AR: variants seen among roughly 807,000 people sequenced by gnomAD.
The protein encoded by AR is dihydrotestosterone receptor.
Under a neutral mutation model 53.9 loss-of-function variants are expected in AR, and 8 were observed. The ratio of observed to expected loss-of-function variants is 0.15; its 90% CI spans 0.09 to 0.27. The LOEUF (loss-of-function observed/expected upper bound fraction) is 0.27. Ranked by LOEUF, AR falls within the 10% of genes least tolerant of loss-of-function variation. The pLI is 1.00. For synonymous variants in AR, 359 were observed against 316.4 expected, an observed-to-expected ratio of 1.13 and a Z score of -1.43; for missense variants, 639 against 742.5, an observed-to-expected ratio of 0.86 and a Z score of 1.62.
chrX:67,666,739 G>C (rs1337529369), intron 2 of AR, among the ~76,000 whole-genome samples: 1 of 111,463 alleles, frequency 9.0e-6, no homozygotes, highest in Non-Finnish European at 1.9e-5. Flanking sequence ...CTGTTCTTTG[G>C]ATGAAAGCCA....
At chrX:67,674,704 C>T (rs2075888908) in intron 2 of AR, among the ~76,000 whole-genome samples, 1 of 110,995 alleles carries the variant, frequency 9.0e-6, no homozygotes, top group Non-Finnish European at 1.9e-5. Flanking sequence ...GAAGTGGGCT[C>T]CTCTCTGGCC....
intron 1 of AR, among the ~76,000 whole-genome samples, chrX:67,577,004 CTTT>C (rs35442632): frequency 1.1e-5 from 1 of 90,789 alleles, no homozygotes; most frequent in African/African-American, 4.1e-5. Context: ...CTCTCTCTCT[CTTT>C]TTTTTTTTTT....
chrX:67,694,972 G>A (rs2076013272), intron 3 of AR: 2 of 960,414 alleles, frequency 2.1e-6, no homozygotes, highest in African/African-American at 2.0e-5. Flanking sequence ...ATGTAGTTGT[G>A]AGTATCATGA....
At chrX:67,571,344 G>T (rs1265437529) in intron 1 of AR, among the ~76,000 whole-genome samples, 1 of 111,317 alleles carries the variant, frequency 9.0e-6, no homozygotes, top group Non-Finnish European at 1.9e-5. Context: ...TGCCAGTTCT[G>T]CTCTCTTCCC....
In AR at chrX:67,631,459, C is replaced by T. The variant is rs184043762; in HGVS notation, c.1617-11797C>T. Among the ~76,000 whole-genome samples, 142 of 112,291 alleles carry T rather than the reference C, an allele frequency of 1.3e-3. 3 individuals are homozygous for T. In the East Asian group the frequency reaches 0.026, roughly 20 times the overall value. ...GCTCCTGAGGTTTCTGCATTCTTCA[C>T]GTAGTTCTCGAGCCTTAGTTTTCAG... is the stretch of plus-strand genomic sequence containing the variant. On this transcript the variant is annotated intron_variant, in intron 1 of 7. Coordinates refer to ENST00000374690, the MANE Select transcript of AR (RefSeq NM_000044.6).
At chrX:67,640,529 C>T (rs111384569) in intron 1 of AR, among the ~76,000 whole-genome samples, 102 of 111,274 alleles carry the variant, frequency 9.2e-4, no homozygotes, top group African/African-American at 3.0e-3. Flanking sequence ...TATTTGACTT[C>T]CTGCTTTAGG....
chrX:67,617,665 C>T (rs1275323147), intron 1 of AR, among the ~76,000 whole-genome samples: 5 of 111,551 alleles, frequency 4.5e-5, no homozygotes, highest in Non-Finnish European at 9.4e-5. Flanking sequence ...TGTGAATGTG[C>T]TTTATGTGCT....
At chrX:67,673,629 T>C (rs1250931138) in intron 2 of AR, among the ~76,000 whole-genome samples, 1 of 109,529 alleles carries the variant, frequency 9.1e-6, no homozygotes, top group African/African-American at 3.3e-5. Flanking sequence ...TGTCTGCTTA[T>C]TTTTTTTTAG....
At chrX:67,635,397 C>T (rs1391333953) in intron 1 of AR, among the ~76,000 whole-genome samples, 2 of 111,525 alleles carry the variant, frequency 1.8e-5, no homozygotes, top group Non-Finnish European at 3.8e-5. Context: ...TGTTGGGTTG[C>T]CATTCCTCTT....
At chrX:67,648,445 G>A (rs1018361195) in intron 2 of AR, among the ~76,000 whole-genome samples, 1 of 111,689 alleles carries the variant, frequency 9.0e-6, no homozygotes, top group Non-Finnish European at 1.9e-5. Context: ...TGGAAAAACT[G>A]TGTGTCTCAT....
chrX:67,683,133 A>C (rs2075945885), intron 2 of AR, among the ~76,000 whole-genome samples: 1 of 111,992 alleles, frequency 8.9e-6, no homozygotes, highest in Non-Finnish European at 1.9e-5. Flanking sequence ...CTATGCACTC[A>C]CACATACATG....
At chrX:67,694,122 G>T (rs1053328629) in intron 3 of AR, among the ~76,000 whole-genome samples, 6 of 111,591 alleles carry the variant, frequency 5.4e-5, no homozygotes, top group Non-Finnish European at 1.1e-4. Flanking sequence ...GGTGGAAAAT[G>T]AGGCATGGAA....
Position 67,633,887 on chromosome X carries a change from G to GT in AR, c.1617-9364dup, listed in dbSNP as rs544042735. ...ATATTTAGAGATAGAAAGGAAATTA[G>GT]TTTTTCCAGGGTCTGGGAGGAGACA... is the stretch of plus-strand genomic sequence containing the variant. On this transcript the variant is annotated intron_variant, in intron 1 of 7. Transcript: ENST00000374690. Among the ~76,000 whole-genome samples the GT allele has an allele frequency of 1.0e-3, 117 of 111,909 alleles. 1 individual carries two copies. The South Asian group carries it at 0.042, about 40-fold the overall frequency.
rs368000878 is a variant in AR at position 67,723,892 on chromosome X, T to C, written c.*51T>C. ...CCCAGCTCATGCCCCCTTTCAGATG[T>C]CTTCTGCCTGTTATAACTCTGCACT... On this transcript the variant is annotated 3_prime_UTR_variant, in exon 8 of 8. Coordinates refer to ENST00000374690, the MANE Select transcript of AR (RefSeq NM_000044.6). 1.2e-5 allele frequency: 14 copies of C among 1,187,722 alleles called. No individual in the cohort carries two copies. Among genetic ancestry groups the C allele is most frequent in the Non-Finnish European group, 1.6e-5 (14 of 880,795 alleles).
At chrX:67,629,615 G>A (rs1373932533) in intron 1 of AR, among the ~76,000 whole-genome samples, 1 of 109,978 alleles carries the variant, frequency 9.1e-6, no homozygotes, top group Non-Finnish European at 1.9e-5. Context: ...TTTTTTGAAG[G>A]GTTTTTTGTG....
At chrX:67,556,843 G>A (rs747675738) in intron 1 of AR, among the ~76,000 whole-genome samples, 50 of 101,219 alleles carry the variant, frequency 4.9e-4, no homozygotes, top group Admixed American at 6.9e-4. Flanking sequence ...AACCACAGGC[G>A]CAAAGGGCCT....
chrX:67,582,657 C>T (rs1280545909), intron 1 of AR, among the ~76,000 whole-genome samples: 1 of 111,636 alleles, frequency 9.0e-6, no homozygotes, highest in East Asian at 2.8e-4. Flanking sequence ...CCAAAATTGC[C>T]TAGGGAATCA....
At position 67,552,436 on chromosome X, in the gene AR, C is replaced by T. The variant is rs192462803; in HGVS notation, c.1616+5674C>T. 4.4e-4 allele frequency among the ~76,000 whole-genome samples: 49 copies of T among 112,420 alleles called. 1 individual carries two copies. The highest frequency in any genetic ancestry group is 3.0e-3 in the Admixed American group (32 of 10,629). On this transcript the variant is annotated intron_variant, in intron 1 of 7. Transcript: ENST00000374690. ...TCCATTTATCAGGTGATGAGCATTA[C>T]GGTTGTTTCCACCTTTTGGCTATTA...
intron 3 of AR, chrX:67,694,894 A>C (rs1255693529): frequency 9.5e-7 from 1 of 1,054,111 alleles, no homozygotes; most frequent in African/African-American, 1.9e-5. Context: ...CAGCGGGACC[A>C]ATAGTGTTTT....
Sources: gnomAD v4.1 joint callset for allele counts (sites outside exome capture counted in the v4.1 genomes callset) on GRCh38, gnomAD v4.1.1 for gene constraint, MANE v1.5 for transcripts, NCBI Gene and HGNC (gene_info 2026-07-23, HGNC 2026-07-21) for gene names.